Variants in ALK observed in about 807,000 individuals in gnomAD.
ALK encodes ALK tyrosine kinase receptor.
ALK carries 74 observed loss-of-function variants against 163.1 expected under a neutral mutation model. The ratio of observed to expected loss-of-function variants is 0.45; its 90% CI spans 0.38 to 0.55. The LOEUF (loss-of-function observed/expected upper bound fraction) is 0.55. ALK is among the 20% of genes least tolerant of loss of function. The pLI is 0.00. For missense variants in ALK, 2,063 were observed against 2,105.3 expected (o/e 0.98, Z 0.39); for synonymous variants, 960 against 843.2 (o/e 1.14, Z -2.40).
At position 29,564,995 on chromosome 2, in the gene ALK, C is replaced by T. The variant is rs145693520; in HGVS notation, c.953-32879G>A. Reference sequence around the variant, plus strand: ...CAGCACAGCAAGTGACTTGAGGTAGCTTTCAGAAAAAAGCAGAACAAAAAA... The same window carrying T: ...CAGCACAGCAAGTGACTTGAGGTAGTTTTCAGAAAAAAGCAGAACAAAAAA... On this transcript the variant is annotated intron_variant, in intron 3 of 28. Transcript: ENST00000389048. 3.2e-3 allele frequency among the ~76,000 whole-genome samples: 494 copies of T among 152,286 alleles called. 2 individuals carry two copies. The highest frequency in any genetic ancestry group is 0.011 in the African/African-American group (456 of 41,564).
intron 1 of ALK, among the ~76,000 whole-genome samples, chr2:29,818,493 A>G (rs1450219484): frequency 6.6e-6 from 1 of 152,228 alleles, no homozygotes; most frequent in Non-Finnish European, 1.5e-5. Context: ...CATACCCAAC[A>G]CGCTGGCTGG....
chr2:29,662,163 C>T (rs897923699), intron 3 of ALK, among the ~76,000 whole-genome samples: 6 of 152,086 alleles, frequency 3.9e-5, no homozygotes, highest in African/African-American at 1.4e-4. Context: ...CTGCCCACCT[C>T]GGCCTCCCAA....
chr2:29,849,205 C>T (rs1305047670), intron 1 of ALK, among the ~76,000 whole-genome samples: 1 of 152,244 alleles, frequency 6.6e-6, no homozygotes, highest in Non-Finnish European at 1.5e-5. Flanking sequence ...CTGGGGACCG[C>T]TCACTGTCTG....
At chr2:29,835,102 A>T (rs746152215) in intron 1 of ALK, among the ~76,000 whole-genome samples, 1 of 152,212 alleles carries the variant, frequency 6.6e-6, no homozygotes, top group Non-Finnish European at 1.5e-5. Flanking sequence ...ATTTTGACCC[A>T]TGTCTTTTTG....
chr2:29,525,135 A>G (rs1013940169), intron 4 of ALK, among the ~76,000 whole-genome samples: 3 of 152,152 alleles, frequency 2.0e-5, no homozygotes, highest in African/African-American at 4.8e-5. Flanking sequence ...CCACCTGTGG[A>G]GACCAGTGAC....
intron 3 of ALK, among the ~76,000 whole-genome samples, chr2:29,577,273 C>T (rs1057261486): frequency 2.6e-5 from 4 of 152,110 alleles, no homozygotes; most frequent in African/African-American, 4.8e-5. Flanking sequence ...TCATTTTACC[C>T]TTCTGAGCCT....
chr2:29,629,084 C>T (rs555291462), intron 3 of ALK, among the ~76,000 whole-genome samples: 24 of 152,212 alleles, frequency 1.6e-4, no homozygotes, highest in Admixed American at 7.9e-4. Context: ...GGAAACATGG[C>T]GCTCTGCCTA....
intron 3 of ALK, chr2:29,681,071 T>C (rs1220469576): frequency 6.6e-6 from 1 of 152,064 alleles, no homozygotes; most frequent in South Asian, 2.1e-4. Context: ...GTGCTGTGGC[T>C]ATTCATAGGC....
In ALK at chr2:29,246,884, A is replaced by G. The variant is rs1341814001; in HGVS notation, c.2204+4221T>C. On this transcript the variant is annotated intron_variant, in intron 12 of 28. Coordinates refer to ENST00000389048, the MANE Select transcript of ALK (RefSeq NM_004304.5). The surrounding 1 kb of genome is among the most constrained non-coding windows in gnomAD (Gnocchi z 4.3). Reference sequence around the variant, plus strand: ...TCATGCTTTCACCAGGGGGAGCGAGAGGCCTTTTGGGGGGTAACACTGCAG... The same window carrying G: ...TCATGCTTTCACCAGGGGGAGCGAGGGGCCTTTTGGGGGGTAACACTGCAG... 5.3e-5 allele frequency among the ~76,000 whole-genome samples: 8 copies of G among 152,070 alleles called. No individual in the cohort carries two copies. The highest frequency in any genetic ancestry group is 5.2e-4 in the Admixed American group (8 of 15,274).
intron 1 of ALK, among the ~76,000 whole-genome samples, chr2:29,833,095 C>T (rs1348245240): frequency 6.6e-6 from 1 of 152,164 alleles, no homozygotes; most frequent in Non-Finnish European, 1.5e-5. Context: ...ACAGAGAGGG[C>T]TGTCAGGGGA....
At chr2:29,680,460 T>A (rs960380009) in intron 3 of ALK, among the ~76,000 whole-genome samples, 4 of 152,138 alleles carry the variant, frequency 2.6e-5, no homozygotes, top group Non-Finnish European at 2.9e-5. Context: ...AAATCTGCTG[T>A]TGAGCTGGTC....
At position 29,687,737 on chromosome 2, in the gene ALK, C is replaced by T. The variant is rs72784194; in HGVS notation, c.952+7113G>A. On this transcript the variant is annotated intron_variant, in intron 3 of 28. Coordinates refer to ENST00000389048, the MANE Select transcript of ALK (RefSeq NM_004304.5). ...CATAGTTCTTTTTTTCTTTTACAAA[C>T]AATTTCTACTACACACATTCTTTAA... is the stretch of plus-strand genomic sequence containing the variant. 5.3e-5 allele frequency among the ~76,000 whole-genome samples: 8 copies of T among 152,132 alleles called. No homozygotes were observed. The South Asian group carries it at 1.2e-3, about 24-fold the overall frequency.
At chr2:29,253,283 G>A (rs1464173817) in intron 11 of ALK, among the ~76,000 whole-genome samples, 1 of 152,186 alleles carries the variant, frequency 6.6e-6, no homozygotes, top group African/African-American at 2.4e-5. Context: ...TGTGTGGGCT[G>A]TGCTACGTCA....
chr2:29,375,635 CA>C (rs949899368), intron 5 of ALK, among the ~76,000 whole-genome samples: 54 of 152,002 alleles, frequency 3.6e-4, no homozygotes, highest in African/African-American at 1.2e-3. Context: ...TTTTAAATGA[CA>C]AAAAAACCCC....
intron 1 of ALK, among the ~76,000 whole-genome samples, chr2:29,863,943 T>C (rs1314957694): frequency 6.6e-6 from 1 of 152,186 alleles, no homozygotes; most frequent in Admixed American, 6.5e-5. Flanking sequence ...TCAAGACATT[T>C]CTCCCAACAG....
chr2:29,273,028 C>T (rs185000345), intron 11 of ALK, among the ~76,000 whole-genome samples: 54 of 152,336 alleles, frequency 3.5e-4, no homozygotes, highest in African/African-American at 1.1e-3. Flanking sequence ...TATGGGACCA[C>T]GCTCTATGAT....
At chr2:29,479,772 G>A (rs1172773119) in intron 4 of ALK, among the ~76,000 whole-genome samples, 1 of 152,176 alleles carries the variant, frequency 6.6e-6, no homozygotes, top group Non-Finnish European at 1.5e-5. Flanking sequence ...ACCGCCCCCA[G>A]ATGAGTGGGT....
chr2:29,692,562 G>A (rs995780294), intron 3 of ALK, among the ~76,000 whole-genome samples: 2 of 152,336 alleles, frequency 1.3e-5, no homozygotes, highest in Admixed American at 6.5e-5. Flanking sequence ...TGCACAATAC[G>A]ATTCACGTTT....
At chr2:29,661,729 C>T (rs765146952) in intron 3 of ALK, among the ~76,000 whole-genome samples, 2 of 152,110 alleles carry the variant, frequency 1.3e-5, no homozygotes, top group Non-Finnish European at 2.9e-5. Context: ...GACTCTGGTC[C>T]TTGTGTTCAC....
Sources: allele counts gnomAD v4.1 joint callset (sites outside exome capture counted in the v4.1 genomes callset), GRCh38; gene constraint gnomAD v4.1.1; non-coding constraint Gnocchi (gnomAD v3.1); transcripts MANE v1.5; gene names NCBI Gene and HGNC (gene_info 2026-07-23, HGNC 2026-07-21).